The following SGCZ variants were observed in gnomAD, a reference collection of about 807,000 sequenced individuals.
SGCZ encodes sarcoglycan zeta.
Under a neutral mutation model 41.3 loss-of-function variants are expected in SGCZ, and 40 were observed. That is an observed-to-expected ratio of 0.97 (90% confidence interval 0.75 to 1.26). The LOEUF (loss-of-function observed/expected upper bound fraction) is 1.26. Ranked by LOEUF, SGCZ falls within the 50% of genes most tolerant of loss-of-function variation. The pLI is 0.00. For synonymous variants in SGCZ, 206 were observed against 137.5 expected (o/e 1.50, Z -3.49); for missense variants, 552 against 369.8 (o/e 1.49, Z -4.04).
chr8:14,482,903 C>T lies in SGCZ; in HGVS notation c.234+71829G>A, dbSNP rs1801573127. 2.0e-5 allele frequency among the ~76,000 whole-genome samples: 3 copies of T among 152,042 alleles called. No homozygotes were observed. In the South Asian group the frequency reaches 6.2e-4, roughly 31 times the overall value. On this transcript the variant is annotated intron_variant, in intron 2 of 7. Coordinates refer to ENST00000382080, the MANE Select transcript of SGCZ (RefSeq NM_139167.4). ...TAACACCACTGGCTCCCCTGGGTCT[C>T]CGTTTGCAGACCACTAACAGTGGGG...
chr8:14,804,690 C>T (rs937060889), intron 1 of SGCZ, among the ~76,000 whole-genome samples: 3 of 128,738 alleles, frequency 2.3e-5, no homozygotes, highest in East Asian at 5.1e-4. Context: ...CCCAATCTAG[C>T]AAGGCAGGCC....
chr8:14,860,898 T>C (rs140728656), intron 1 of SGCZ, among the ~76,000 whole-genome samples: 1 of 152,268 alleles, frequency 6.6e-6, no homozygotes, highest in African/African-American at 2.4e-5. Context: ...CTTAATCACT[T>C]TGTCTTTGAA....
chr8:14,522,964 G>A (rs1802834408), intron 2 of SGCZ, among the ~76,000 whole-genome samples: 1 of 151,478 alleles, frequency 6.6e-6, no homozygotes, highest in South Asian at 2.1e-4. Context: ...AATTTTTAGT[G>A]CATCTCTTTG....
intron 1 of SGCZ, among the ~76,000 whole-genome samples, chr8:14,641,543 T>C (rs1397290): frequency 0.34 from 51,310 of 151,438 alleles, 8,992 homozygotes; most frequent in East Asian, 0.63. Flanking sequence ...CAGGAGTCTT[T>C]TGCTCCACTT....
At chr8:15,087,898 A>G (rs1310301420) in intron 1 of SGCZ, among the ~76,000 whole-genome samples, 1 of 152,192 alleles carries the variant, frequency 6.6e-6, no homozygotes, top group African/African-American at 2.4e-5. Flanking sequence ...CTTACTACTT[A>G]CCATGTAAAT....
At chr8:14,896,365 A>C (rs1003535441) in intron 1 of SGCZ, among the ~76,000 whole-genome samples, 3 of 152,056 alleles carry the variant, frequency 2.0e-5, no homozygotes, top group African/African-American at 7.2e-5. Flanking sequence ...AATGGCACTG[A>C]CTCTGGTGTC....
intron 2 of SGCZ, among the ~76,000 whole-genome samples, chr8:14,370,993 G>A (rs1409313214): frequency 2.0e-5 from 3 of 151,832 alleles, no homozygotes; most frequent in African/African-American, 7.3e-5. Context: ...GATTATAAAT[G>A]AAACACACAA....
At chr8:14,257,915 T>C (rs1057032689) in intron 3 of SGCZ, among the ~76,000 whole-genome samples, 15 of 152,214 alleles carry the variant, frequency 9.9e-5, no homozygotes, top group South Asian at 4.1e-4. Context: ...GATATAGATA[T>C]AGATATATAG....
intron 2 of SGCZ, among the ~76,000 whole-genome samples, chr8:14,398,534 T>C (rs1798981116): frequency 6.6e-6 from 1 of 152,000 alleles, no homozygotes; most frequent in Non-Finnish European, 1.5e-5. Context: ...TAATATAGAG[T>C]GTTTATTTGG....
At chr8:14,106,989 G>T (rs1802222782) in intron 6 of SGCZ, among the ~76,000 whole-genome samples, 1 of 152,118 alleles carries the variant, frequency 6.6e-6, no homozygotes, top group Non-Finnish European at 1.5e-5. Context: ...GGCCGAGGAG[G>T]GCGGATCAGA....
At chr8:14,945,650 G>A (rs188814466) in intron 1 of SGCZ, among the ~76,000 whole-genome samples, 52 of 150,624 alleles carry the variant, frequency 3.5e-4, no homozygotes, top group Non-Finnish European at 7.1e-4. Context: ...GCCAGACTGA[G>A]GGGGGAGATC....
intron 1 of SGCZ, among the ~76,000 whole-genome samples, chr8:15,028,698 ACT>A (rs1321021506): frequency 3.6e-4 from 54 of 152,042 alleles, no homozygotes; most frequent in Non-Finnish European, 1.5e-5. Flanking sequence ...CTCACAGATG[ACT>A]CTTACAAATA....
At chr8:14,555,104 T>C (rs997748635) in intron 1 of SGCZ, among the ~76,000 whole-genome samples, 178 bp from the exon 2 acceptor site, 2 of 152,078 alleles carry the variant, frequency 1.3e-5, no homozygotes, top group Non-Finnish European at 2.9e-5. Context: ...ATCATTTTGT[T>C]CAATATAGTT....
intron 1 of SGCZ, among the ~76,000 whole-genome samples, chr8:15,057,685 T>C (rs1011617533): frequency 3.9e-5 from 6 of 152,166 alleles, no homozygotes; most frequent in Non-Finnish European, 8.8e-5. Flanking sequence ...CATAGTGAAA[T>C]GTAAATTAGA....
intron 2 of SGCZ, among the ~76,000 whole-genome samples, chr8:14,501,348 T>A (rs1195243403): frequency 6.6e-6 from 1 of 152,038 alleles, no homozygotes; most frequent in Non-Finnish European, 1.5e-5. Context: ...TTTCGCCAAA[T>A]AACCTAACAT....
chr8:15,126,133 G>T (rs1488971082), intron 1 of SGCZ, among the ~76,000 whole-genome samples: 3 of 152,166 alleles, frequency 2.0e-5, no homozygotes, highest in Non-Finnish European at 4.4e-5. Flanking sequence ...GCAACAGAGG[G>T]AGACGCCATC....
chr8:14,282,881 A>G lies in SGCZ; in HGVS notation c.336+41222T>C, dbSNP rs1214758256. On this transcript the variant is annotated intron_variant, in intron 3 of 7. Transcript: ENST00000382080. The stretch of plus-strand genomic sequence containing the variant: ...TTTTTTTTTTTTGAGACGGAGTCTC[A>G]CTCTGTCACCCAGGCTGGAGTGTAG... Among the ~76,000 whole-genome samples the G allele has an allele frequency of 1.8e-4, 19 of 108,362 alleles. No individual in the cohort carries two copies. In the East Asian group the frequency reaches 3.5e-3, roughly 20 times the overall value. 71.1% of individuals were successfully genotyped at this position (108,362 alleles called of 152,430 possible).
chr8:15,153,342 A>G (rs1799235331), intron 1 of SGCZ, among the ~76,000 whole-genome samples: 1 of 152,226 alleles, frequency 6.6e-6, no homozygotes, highest in South Asian at 2.1e-4. Flanking sequence ...TGTTGAAGCC[A>G]AAGTGGAATG....
In SGCZ at chr8:14,903,454, C is replaced by CA. The variant is rs546290509; in HGVS notation, c.39+334130dup. On this transcript the variant is annotated intron_variant, in intron 1 of 7. Coordinates refer to ENST00000382080, the MANE Select transcript of SGCZ (RefSeq NM_139167.4). Reference sequence around the variant, plus strand: ...TTCAAATCTTGAAATCCTGAAAAAACAAAAAAAGTAAATGCAAATGGGTTA... The same window carrying CA: ...TTCAAATCTTGAAATCCTGAAAAAACAAAAAAAAGTAAATGCAAATGGGTTA... 1.4e-3 allele frequency among the ~76,000 whole-genome samples: 209 copies of CA among 151,904 alleles called. 1 individual carries two copies. The highest frequency in any genetic ancestry group is 2.5e-3 in the Non-Finnish European group (172 of 67,848).
Sources: gnomAD v4.1 joint callset for allele counts (sites outside exome capture counted in the v4.1 genomes callset) on GRCh38, gnomAD v4.1.1 for gene constraint, MANE v1.5 for transcripts, NCBI Gene and HGNC (gene_info 2026-07-23, HGNC 2026-07-21) for gene names.